Variants in KAT6B observed in about 807,000 individuals in gnomAD.
The protein encoded by KAT6B is lysine acetyltransferase 6B.
A neutral mutation model predicts 187.5 loss-of-function variants in KAT6B; 10 were observed. The observed-to-expected ratio is 0.05, with a 90% CI of 0.03 to 0.09. The LOEUF (loss-of-function observed/expected upper bound fraction) is 0.09, where lower values mean the gene tolerates loss of function less well. Ranked by LOEUF, KAT6B falls within the 10% of genes least tolerant of loss-of-function variation. The probability of loss-of-function intolerance (pLI) is 1.00; values close to 1 mark genes in which losing one functional copy is unlikely to be tolerated. For missense variants in KAT6B, 1,952 were observed against 2,558.9 expected, an observed-to-expected ratio of 0.76 and a Z score of 5.12; for synonymous variants, 861 against 926.8, an observed-to-expected ratio of 0.93 and a Z score of 1.29.
intron 4 of KAT6B, among the ~76,000 whole-genome samples, chr10:74,967,294 C>T (rs1841548102): frequency 6.7e-6 from 1 of 150,148 alleles, no homozygotes; most frequent in African/African-American, 2.5e-5. Context: ...GACGCCACTG[C>T]ACTCCAGCCT....
intron 3 of KAT6B, among the ~76,000 whole-genome samples, chr10:74,849,614 C>G (rs1842339043): frequency 6.6e-6 from 1 of 152,108 alleles, no homozygotes; most frequent in Admixed American, 6.6e-5. Flanking sequence ...TTTCAAGAAG[C>G]TGTTTATTCT....
upstream of KAT6B, among the ~76,000 whole-genome samples, chr10:74,826,212 T>G (rs2131867849): frequency 6.6e-6 from 1 of 151,416 alleles, no homozygotes; most frequent in South Asian, 2.1e-4. Context: ...TACGCTCCTC[T>G]GCTGCGAGTA....
At chr10:75,012,246 G>T (rs2134069325) in intron 13 of KAT6B, among the ~76,000 whole-genome samples, 1 of 152,250 alleles carries the variant, frequency 6.6e-6, no homozygotes, top group Admixed American at 6.5e-5. Context: ...CGAGGAGTTT[G>T]AGACCAGCCT....
In KAT6B at chr10:74,979,227, A is replaced by G; in HGVS notation, c.2119A>G (p.Ile707Val). 6.2e-7 allele frequency: 1 copy of G among 1,607,158 alleles called. No homozygotes were observed. Among genetic ancestry groups the G allele is most frequent in the East Asian group, 2.2e-5 (1 of 44,822 alleles). Residue 707 changes from isoleucine to valine, a missense_variant, in exon 10 of 18, where the codon ATA becomes GTA. Transcript: ENST00000287239. ...TCCTTTTCTTTCTATTTGACAGAAA[A>G]TAGAGTGTGAGAGTGGGGTGGAAGA... ...KQAQELSWEKIECESGVEDCG... is the reference protein window; with the variant it reads ...KQAQELSWEKVECESGVEDCG...
intron 13 of KAT6B, among the ~76,000 whole-genome samples, chr10:74,994,733 C>A (rs1332385643): frequency 1.3e-5 from 2 of 151,042 alleles, no homozygotes; most frequent in Non-Finnish European, 2.9e-5. Flanking sequence ...TTGCAGTGAG[C>A]TGAGATTGCA....
chr10:74,836,891 G>A (rs988133298), intron 1 of KAT6B, among the ~76,000 whole-genome samples: 3 of 152,304 alleles, frequency 2.0e-5, no homozygotes, highest in Admixed American at 6.5e-5. Flanking sequence ...AAAAAGCCAG[G>A]ACTTATGAAA....
rs756306003 is a variant in KAT6B at position 74,972,489 on chromosome 10, A to C, written c.929-18A>C. ...AATGAAACATTAAAATATTTTTCTC[A>C]TATATATATTAATTCAGGGATGTGG... On this transcript the variant is annotated intron_variant, in intron 6 of 17. Transcript: ENST00000287239. The C allele has an allele frequency of 9.9e-6, 15 of 1,516,448 alleles. No individual in the cohort carries two copies. The South Asian group carries it at 1.8e-4, about 18-fold the overall frequency. The allele number at this position is 1,516,448 out of a possible 1,614,324, so 93.9% of individuals were successfully genotyped here.
chr10:75,013,358 AT>A (rs565163126), intron 13 of KAT6B, among the ~76,000 whole-genome samples: 98 of 148,386 alleles, frequency 6.6e-4, no homozygotes, highest in African/African-American at 2.3e-3. Context: ...CTGAGGCAGA[AT>A]TTTTTTTCAT....
chr10:74,981,312 TTC>T (rs1435698048), intron 10 of KAT6B, among the ~76,000 whole-genome samples: 43 of 148,496 alleles, frequency 2.9e-4, no homozygotes, highest in Middle Eastern at 3.4e-3. Flanking sequence ...TCTTTCTTCC[TTC>T]CTTCCTTCCT....
At chr10:74,953,286 T>G (rs1188416608) in intron 3 of KAT6B, among the ~76,000 whole-genome samples, 1 of 152,238 alleles carries the variant, frequency 6.6e-6, no homozygotes, top group African/African-American at 2.4e-5. Flanking sequence ...ATTCATTTGT[T>G]CTGATGCTTA....
chr10:75,002,176 T>C (rs1309974333), intron 13 of KAT6B, among the ~76,000 whole-genome samples: 1 of 152,296 alleles, frequency 6.6e-6, no homozygotes, highest in African/African-American at 2.4e-5. Context: ...TTCTGTCATA[T>C]ACATGATGAG....
chr10:74,885,839 C>G (rs1039359267), intron 3 of KAT6B, among the ~76,000 whole-genome samples: 1 of 151,280 alleles, frequency 6.6e-6, no homozygotes, highest in Non-Finnish European at 1.5e-5. Context: ...TCAAGCGATT[C>G]TACTGCCTCA....
At position 74,975,418 on chromosome 10, in the gene KAT6B, G is replaced by A. The variant is rs1470865579; in HGVS notation, c.1081G>A (p.Gly361Arg). 6.2e-7 allele frequency: 1 copy of A among 1,614,004 alleles called. No individual in the cohort carries two copies. Among genetic ancestry groups the A allele is most frequent in the Admixed American group, 1.7e-5 (1 of 60,014 alleles). Reference protein sequence around the residue: ...QRLLSVTSDEGSMNAFTGRGS... With the variant: ...QRLLSVTSDERSMNAFTGRGS... ...GCCTAGGTCTGTAACCAGTGATGAA[G>A]GATCCATGAATGCATTCACAGGAAG... Residue 361 changes from glycine (G) to arginine (R), a missense_variant, in exon 8 of 18, where the codon GGA becomes AGA. Around this residue, in one of 9 missense-constraint regions of KAT6B, gnomAD observed 417 missense variants for 508.9 expected, o/e 0.82. Transcript: ENST00000287239.
intron 3 of KAT6B, among the ~76,000 whole-genome samples, chr10:74,872,280 C>T (rs1018335806): frequency 6.6e-6 from 1 of 152,206 alleles, no homozygotes; most frequent in Non-Finnish European, 1.5e-5. Context: ...CTTGCAGCAG[C>T]TGGTATAGAG....
chr10:74,922,941 G>A (rs1199385159), intron 3 of KAT6B, among the ~76,000 whole-genome samples: 1 of 152,186 alleles, frequency 6.6e-6, no homozygotes, highest in African/African-American at 2.4e-5. Context: ...AATTGCCGTG[G>A]ATGGTCTGGG....
intron 3 of KAT6B, among the ~76,000 whole-genome samples, chr10:74,876,094 A>G (rs1844396244): frequency 6.6e-6 from 1 of 152,210 alleles, no homozygotes; most frequent in Admixed American, 6.5e-5. Context: ...ACAGAGTTTT[A>G]TCATCATGAA....
At chr10:75,000,036 G>C (rs1464660272) in intron 13 of KAT6B, among the ~76,000 whole-genome samples, 2 of 152,142 alleles carry the variant, frequency 1.3e-5, no homozygotes, top group African/African-American at 4.8e-5. Context: ...TATGGATGTG[G>C]TGGCATGTGC....
At chr10:75,018,719 C>A (rs1425386325) in intron 13 of KAT6B, among the ~76,000 whole-genome samples, 1 of 152,170 alleles carries the variant, frequency 6.6e-6, no homozygotes, top group African/African-American at 2.4e-5. Flanking sequence ...ATTCTTTCAG[C>A]AAGGCTGAGA....
At chr10:74,883,067 G>A (rs1023745257) in intron 3 of KAT6B, among the ~76,000 whole-genome samples, 1 of 152,116 alleles carries the variant, frequency 6.6e-6, no homozygotes, top group African/African-American at 2.4e-5. Flanking sequence ...TTGAGTTCCC[G>A]AAAGTTTATA....
Sources: allele counts gnomAD v4.1 joint callset (sites outside exome capture counted in the v4.1 genomes callset), GRCh38; gene constraint gnomAD v4.1.1; regional missense constraint gnomAD v4.1.1; transcripts MANE v1.5; gene names NCBI Gene and HGNC (gene_info 2026-07-23, HGNC 2026-07-21).